Variants in TXNDC5 observed in about 807,000 individuals in gnomAD.
TXNDC5 encodes thioredoxin domain-containing protein 5.
A neutral mutation model predicts 52.6 loss-of-function variants in TXNDC5; 44 were observed. The ratio of observed to expected loss-of-function variants is 0.84; its 90% CI spans 0.66 to 1.08. The LOEUF (loss-of-function observed/expected upper bound fraction) is 1.08, where lower values mean the gene tolerates loss of function less well. Among genes scored for constraint, TXNDC5 ranks in the 50% least tolerant of loss-of-function variants. The pLI, the probability that TXNDC5 is intolerant of heterozygous loss-of-function variation, is 0.00. For synonymous variants in TXNDC5, 241 were observed against 234.4 expected (o/e 1.03, Z -0.26); for missense variants, 600 against 565.5 (o/e 1.06, Z -0.62).
Position 7,882,977 on chromosome 6 carries a change from G to A in TXNDC5, c.*167C>T. 2.5e-6 allele frequency: 2 copies of A among 813,998 alleles called. No homozygotes were observed. The highest frequency in any genetic ancestry group is 2.7e-5 in the East Asian group (1 of 36,748). The allele number at this position is 813,998 out of a possible 1,614,324, so 50.4% of individuals were successfully genotyped here. On this transcript the variant is annotated 3_prime_UTR_variant, in exon 10 of 10. Transcript: ENST00000379757. ...AGAAACTTAACTTAATAAAGAATCT[G>A]TAGAGTGTGTTGGCTTGGAAAACAC...
chr6:7,893,445 T>C (rs1760264306), intron 4 of TXNDC5, among the ~76,000 whole-genome samples: 1 of 152,162 alleles, frequency 6.6e-6, no homozygotes, highest in Non-Finnish European at 1.5e-5. Context: ...ATCAGAGTAC[T>C]GATGGGAAGC....
At chr6:7,910,251 G>A (rs1296662502) in intron 1 of TXNDC5, among the ~76,000 whole-genome samples, 2 of 149,508 alleles carry the variant, frequency 1.3e-5, no homozygotes, top group African/African-American at 2.5e-5. Context: ...CCCGGCTCCC[G>A]GCCCCGAGCC....
Position 7,882,862 on chromosome 6 carries a change from A to G in TXNDC5, c.*282T>C, listed in dbSNP as rs545755988. The G allele has an allele frequency of 5.7e-4, 166 of 291,098 alleles. No homozygotes were observed. The highest frequency in any genetic ancestry group is 3.3e-3 in the African/African-American group (152 of 46,724). The allele number at this position is 291,098 out of a possible 1,614,324, so 18.0% of individuals were successfully genotyped here. On this transcript the variant is annotated 3_prime_UTR_variant, in exon 10 of 10. Coordinates refer to ENST00000379757, the MANE Select transcript of TXNDC5 (RefSeq NM_030810.5). ...CAACGCTATTTTAGTCTCAAAGGAA[A>G]CCATGTAAATTTCATCAAGAGAAGG... is the stretch of plus-strand genomic sequence containing the variant.
chr6:7,907,960 CTGTT>C lies in TXNDC5; in HGVS notation c.263+2550_263+2553del, dbSNP rs1238210797. The stretch of plus-strand genomic sequence containing the variant: ...CACCATCATAGAAACCCACATATCT[CTGTT>C]TAAGTATTTGTAGTAGACTATCAAG... On this transcript the variant is annotated intron_variant, in intron 1 of 9. Coordinates refer to ENST00000379757, the MANE Select transcript of TXNDC5 (RefSeq NM_030810.5). 2.0e-5 allele frequency among the ~76,000 whole-genome samples: 3 copies of C among 152,202 alleles called. No homozygotes were observed. The East Asian group carries it at 5.8e-4, about 29-fold the overall frequency.
chr6:7,883,169 AG>A lies in TXNDC5; in HGVS notation c.1273del (p.Leu425Ter). 1.2e-6 allele frequency: 2 copies of A among 1,614,210 alleles called. No individual in the cohort carries two copies. Among genetic ancestry groups the A allele is most frequent in the Non-Finnish European group, 1.7e-6 (2 of 1,180,030 alleles). On this transcript the variant is annotated frameshift_variant, in exon 10 of 10. Coordinates refer to ENST00000379757, the MANE Select transcript of TXNDC5 (RefSeq NM_030810.5). LOFTEE classifies it high-confidence loss of function. The stretch of plus-strand genomic sequence containing the variant: ...CTAAAGTTCGTCTTTCGCTTGGCTC[AG>A]GACAAAGCGGTGTAACGAGTCAAGG... Reference protein sequence around the residue: ...RDLDSLHRFVLSQAKDEL With the variant: ...RDLDSLHRFVXSQAKDEL
At chr6:7,907,972 T>C (rs1465093178) in intron 1 of TXNDC5, among the ~76,000 whole-genome samples, 1 of 152,172 alleles carries the variant, frequency 6.6e-6, no homozygotes. Context: ...GTTTAAGTAT[T>C]TGTAGTAGAC....
At chr6:7,907,278 G>A (rs955120248) in intron 1 of TXNDC5, among the ~76,000 whole-genome samples, 1 of 151,818 alleles carries the variant, frequency 6.6e-6, no homozygotes, top group African/African-American at 2.4e-5. Context: ...CAAGTTGGGC[G>A]TGCCCTTGCT....
chr6:7,910,625 G>A lies in TXNDC5; in HGVS notation c.152C>T (p.Ala51Val), dbSNP rs1295710853. The A allele has an allele frequency of 3.7e-6, 5 of 1,347,438 alleles. No homozygotes were observed. The highest frequency in any genetic ancestry group is 4.3e-4 in the Middle Eastern group (2 of 4,678). The allele number at this position is 1,347,438 out of a possible 1,614,324, so 83.5% of individuals were successfully genotyped here. ...AAAAAADGPPAADGEDGQDPH... is the reference protein window; with the variant it reads ...AAAAAADGPPVADGEDGQDPH... ...GTCCTGTCCGTCCTCGCCGTCTGCC[G>A]CGGGGGGCCCGTCCGCCGCCGCCGC... Residue 51 changes from alanine (A) to valine (V), a missense_variant, in exon 1 of 10, where the codon GCG (alanine) becomes GTG (valine). Physicochemically the swap from Ala to Val is moderately conservative, Grantham distance 64. Transcript: ENST00000379757.
At position 7,883,060 on chromosome 6, in the gene TXNDC5, G is replaced by A. The variant is rs1759823787; in HGVS notation, c.*84C>T. On this transcript the variant is annotated 3_prime_UTR_variant, in exon 10 of 10. Transcript: ENST00000379757. ...TTCTGCTTTCTGAACAGCCACCACT[G>A]GGAACCCAGTGGCCTCTGTGGGACT... is the stretch of plus-strand genomic sequence containing the variant. The A allele has an allele frequency of 2.5e-6, 4 of 1,589,484 alleles. No homozygotes were observed. Among genetic ancestry groups the A allele is most frequent in the Middle Eastern group, 2.0e-4 (1 of 4,916 alleles).
At chr6:7,884,037 C>T (rs550934453) in intron 9 of TXNDC5, among the ~76,000 whole-genome samples, 1 of 152,350 alleles carries the variant, frequency 6.6e-6, no homozygotes, top group Admixed American at 6.5e-5. Flanking sequence ...CTACAGACCA[C>T]TGGTCAATCA....
In TXNDC5 at chr6:7,895,117, T is replaced by C; in HGVS notation, c.605A>G (p.His202Arg). The C allele has an allele frequency of 6.2e-7, 1 of 1,613,832 alleles. No homozygotes were observed. The highest frequency in any genetic ancestry group is 8.5e-7 in the Non-Finnish European group (1 of 1,179,898). The change falls in exon 4 of 10, where the codon CAC becomes CGC. Residue 202 changes from histidine to arginine, a missense_variant. Transcript: ENST00000379757. Reference sequence around the variant, plus strand: ...GACGTCCCCCTTACCTTGTGCAACGTGCAGCTCAAAGTTGCTTGCTGAGAG... The same window carrying C: ...GACGTCCCCCTTACCTTGTGCAACGCGCAGCTCAAAGTTGCTTGCTGAGAG... ...YELSASNFELHVAQGDHFIKF... is the reference protein window; with the variant it reads ...YELSASNFELRVAQGDHFIKF...
chr6:7,906,222 CAG>C (rs1581330339), intron 1 of TXNDC5, among the ~76,000 whole-genome samples: 1 of 150,820 alleles, frequency 6.6e-6, no homozygotes, highest in Non-Finnish European at 1.5e-5. Flanking sequence ...GCCTGGGTGA[CAG>C]AGATTTTGTC....
chr6:7,885,884 G>A (rs754357592), intron 8 of TXNDC5, 77 bp downstream of exon 8: 13 of 1,322,298 alleles, frequency 9.8e-6, no homozygotes, highest in Non-Finnish European at 1.4e-5. Context: ...AGTCTGGAGG[G>A]GTGGCAGATG....
At chr6:7,902,465 T>C (rs1337764324) in intron 2 of TXNDC5, among the ~76,000 whole-genome samples, 1 of 152,112 alleles carries the variant, frequency 6.6e-6, no homozygotes, top group Non-Finnish European at 1.5e-5. Flanking sequence ...CAGGAAAGAA[T>C]AACGTGAAAG....
chr6:7,889,178 C>A, intron 6 of TXNDC5: 2 of 444,718 alleles, frequency 4.5e-6, no homozygotes, highest in Non-Finnish European at 8.0e-6. Flanking sequence ...GCAGGCAGAA[C>A]CGGACCAAGT....
At chr6:7,906,535 C>CAA (rs1207193194) in intron 1 of TXNDC5, among the ~76,000 whole-genome samples, 10,659 of 41,580 alleles carry the variant, frequency 0.26, 2,047 homozygotes, top group East Asian at 0.47. Flanking sequence ...GACTCCATCT[C>CAA]AAAAAAAAAA....
At chr6:7,890,120 A>C (rs990007137) in intron 5 of TXNDC5, among the ~76,000 whole-genome samples, 5 of 152,252 alleles carry the variant, frequency 3.3e-5, no homozygotes, top group Admixed American at 3.3e-4. Flanking sequence ...CCTTAATTTT[A>C]TAAACTTAAT....
intron 6 of TXNDC5, 145 bp downstream of exon 6, chr6:7,889,350 C>T (rs575447992): frequency 1.4e-5 from 9 of 634,752 alleles, no homozygotes; most frequent in East Asian, 8.4e-5. Context: ...AAGAGAAAGA[C>T]GTTTGTTTCA....
chr6:7,885,862 T>G, intron 8 of TXNDC5, 99 bp downstream of exon 8: 4 of 1,022,160 alleles, frequency 3.9e-6, no homozygotes, highest in Non-Finnish European at 5.9e-6. Context: ...ATGTAACATG[T>G]GCCCAACATT....
Sources: gnomAD v4.1 joint callset for allele counts (sites outside exome capture counted in the v4.1 genomes callset) on GRCh38, gnomAD v4.1.1 for gene constraint, MANE v1.5 for transcripts, NCBI Gene and HGNC (gene_info 2026-07-23, HGNC 2026-07-21) for gene names.